Variants in CHRFAM7A observed in about 807,000 individuals in gnomAD.
The protein encoded by CHRFAM7A is CHRNA7 (exons 5-10) and FAM7A (exons A-E) fusion, also known as CHRNA7-FAM7A fusion protein.
A neutral mutation model predicts 29.2 loss-of-function variants in CHRFAM7A; 3 were observed. The ratio of observed to expected loss-of-function variants is 0.10; its 90% CI spans 0.05 to 0.27. The LOEUF (loss-of-function observed/expected upper bound fraction) is 0.27, where lower values mean the gene tolerates loss of function less well. Ranked by LOEUF, CHRFAM7A falls within the 10% of genes least tolerant of loss-of-function variation. The pLI, the probability that CHRFAM7A is intolerant of heterozygous loss-of-function variation, is 1.00. For missense variants in CHRFAM7A, 22 were observed against 328.0 expected (o/e 0.07, Z 7.21); for synonymous variants, 7 against 135.4 (o/e 0.05, Z 6.58).
intron 5 of CHRFAM7A, among the ~76,000 whole-genome samples, chr15:30,374,567 ACAGAAAG>A (rs1438464473): frequency 1.4e-5 from 2 of 145,840 alleles, no homozygotes; most frequent in African/African-American, 5.2e-5. Flanking sequence ...ATTTCTAGAG[ACAGAAAG>A]CAGATCAGTG....
At position 30,373,159 on chromosome 15, in the gene CHRFAM7A, GGAAACAGAAGACT is replaced by G. The variant is rs1249576145; in HGVS notation, c.161-27_161-15del. ...TCTTGAATATGCCTGTGTGGGTGAT[GGAAACAGAAGACT>G]GAAACGGAAGCTGACTGAGATGTGC... On this transcript the variant is annotated splice_polypyrimidine_tract_variant and intron_variant, in intron 5 of 9. Coordinates refer to ENST00000299847, the MANE Select transcript of CHRFAM7A (RefSeq NM_139320.2). The G allele has an allele frequency of 4.8e-6, 7 of 1,465,328 alleles. No individual in the cohort carries two copies. The Middle Eastern group carries it at 7.0e-4, about 147-fold the overall frequency. The allele number at this position is 1,465,328 out of a possible 1,614,324, so 90.8% of individuals were successfully genotyped here. A position where few individuals can be genotyped will look rare whatever the true frequency, so the allele number is the denominator to read the frequency against.
In CHRFAM7A at chr15:30,377,809, T is replaced by G. The variant is rs1032556412; in HGVS notation, c.81-700A>C. 3.0e-4 allele frequency among the ~76,000 whole-genome samples: 44 copies of G among 145,994 alleles called. 2 individuals carry two copies. Among genetic ancestry groups the G allele is most frequent in the Non-Finnish European group, 6.5e-4 (43 of 66,584 alleles). On this transcript the variant is annotated intron_variant, in intron 4 of 9. Coordinates refer to ENST00000299847, the MANE Select transcript of CHRFAM7A (RefSeq NM_139320.2). ...GCCGGGATGGTCTCGATCTCCTGACTGTACACATAAAAATAGCTAAAATGG... is the reference window on the plus strand; with the variant it reads ...GCCGGGATGGTCTCGATCTCCTGACGGTACACATAAAAATAGCTAAAATGG...
At chr15:30,367,651 TC>T in intron 8 of CHRFAM7A, 124 bp from the exon 9 acceptor site, 1 of 1,253,334 alleles carries the variant, frequency 8.0e-7, no homozygotes, top group Non-Finnish European at 1.1e-6. Flanking sequence ...TGCCCATGTG[TC>T]CAGGCCTGCA....
At chr15:30,374,558 T>C (rs2058900518) in intron 5 of CHRFAM7A, among the ~76,000 whole-genome samples, 1 of 146,080 alleles carries the variant, frequency 6.8e-6, no homozygotes, top group South Asian at 2.2e-4. Context: ...AGACAGAGAA[T>C]TTCTAGAGAC....
chr15:30,361,524 TCA>T lies in CHRFAM7A; in HGVS notation c.*767_*768del. 1 of 139,188 alleles carries T rather than the reference TCA, an allele frequency of 7.2e-6. No individual in the cohort carries two copies. Among genetic ancestry groups the T allele is most frequent in the African/African-American group, 2.9e-5 (1 of 34,236 alleles). The allele number at this position is 139,188 out of a possible 1,614,324, so 8.6% of individuals were successfully genotyped here. On this transcript the variant is annotated 3_prime_UTR_variant, in exon 10 of 10. Coordinates refer to ENST00000299847, the MANE Select transcript of CHRFAM7A (RefSeq NM_139320.2). ...GAATAGAACAGATTTGCTCAACTCC[TCA>T]GTGTCTGAGAGCAGCACCTAGGAGT...
intron 9 of CHRFAM7A, among the ~76,000 whole-genome samples, chr15:30,365,801 CTTTTTTTTTTTTTTTTTTTTTTTTT>C (rs1165285566): frequency 9.4e-5 from 7 of 74,242 alleles, no homozygotes; most frequent in African/African-American, 3.7e-4. Context: ...ACAAGTGAGT[CTTTTTTTTTTTTTTTTTTTTTTTTT>C]TTTTTTTTTT....
At chr15:30,373,617 T>C (rs2058890287) in intron 5 of CHRFAM7A, among the ~76,000 whole-genome samples, 2 of 117,618 alleles carry the variant, frequency 1.7e-5, no homozygotes, top group Non-Finnish European at 3.7e-5. Context: ...TATCGAGAAA[T>C]ACAATCTAGA....
intron 5 of CHRFAM7A, among the ~76,000 whole-genome samples, 186 bp from the exon 6 acceptor site, chr15:30,373,331 CTT>C (rs1243329290): frequency 1.4e-5 from 2 of 148,014 alleles, no homozygotes; most frequent in Non-Finnish European, 3.0e-5. Context: ...GCTTCACTGT[CTT>C]TTAAAATCCA....
intron 9 of CHRFAM7A, among the ~76,000 whole-genome samples, chr15:30,363,368 T>G (rs1263620852): frequency 1.3e-4 from 19 of 146,652 alleles, no homozygotes; most frequent in African/African-American, 4.4e-4. Context: ...GTGACCACTT[T>G]GCAAAGCTGT....
In CHRFAM7A at chr15:30,373,024, C is replaced by T; in HGVS notation, c.282G>A (p.Glu94=). The part of the protein sequence containing the change: ...GGWSLDLQMQ[E]ADISGYIPNG... ...TGGGGATATAGCCACTGATATCTGC[C>T]TCCTGCATCTGCAGATCCAAGGACC... The change falls in exon 6 of 10, where the codon GAG becomes GAA. Residue 94 remains glutamate (E), a synonymous_variant. Coordinates refer to ENST00000299847, the MANE Select transcript of CHRFAM7A (RefSeq NM_139320.2). The T allele has an allele frequency of 1.9e-6, 3 of 1,601,230 alleles. No homozygotes were observed. Among genetic ancestry groups the T allele is most frequent in the Non-Finnish European group, 1.7e-6 (2 of 1,171,642 alleles).
chr15:30,376,000 GGTT>G (rs1335357172), intron 5 of CHRFAM7A, among the ~76,000 whole-genome samples: 2 of 150,286 alleles, frequency 1.3e-5, no homozygotes, highest in Admixed American at 1.3e-4. Context: ...GTATGTGAGT[GGTT>G]GTGTGAGTGG....
rs535400106 is a variant in CHRFAM7A at position 30,367,219 on chromosome 15, G to A, written c.720+199C>T. ...GAGAATTGCTTGAATCCAGGAGGTG[G>A]AGGTTGCAGTGAGCCAAGATTACAC... On this transcript the variant is annotated intron_variant, in intron 9 of 9. Transcript: ENST00000299847. 1.2e-3 allele frequency among the ~76,000 whole-genome samples: 181 copies of A among 151,222 alleles called. 2 individuals carry two copies. The highest frequency in any genetic ancestry group is 2.1e-3 in the Non-Finnish European group (145 of 67,698).
intron 5 of CHRFAM7A, among the ~76,000 whole-genome samples, chr15:30,375,881 TGAGTCGTGTGGGTGGTA>T (rs2058925134): frequency 2.0e-5 from 1 of 50,124 alleles, no homozygotes; most frequent in Admixed American, 2.2e-4. Context: ...GTGTGTGTGT[TGAGTCGTGTGGGTGGTA>T]TGTGAGTGGT....
intron 4 of CHRFAM7A, among the ~76,000 whole-genome samples, chr15:30,377,699 C>A (rs937168012): frequency 7.0e-6 from 1 of 142,510 alleles, no homozygotes; most frequent in African/African-American, 2.7e-5. Context: ...CTCAGCTTCC[C>A]GAGTAGCTGG....
intron 5 of CHRFAM7A, among the ~76,000 whole-genome samples, chr15:30,374,761 TG>T (rs2140888730): frequency 8.0e-6 from 1 of 125,710 alleles, no homozygotes; most frequent in South Asian, 3.0e-4. Context: ...TCAATAAAGC[TG>T]TTAAAAAATA....
At chr15:30,365,801 CTTTTTTTTTTTTTTTTTTT>C (rs1165285566) in intron 9 of CHRFAM7A, among the ~76,000 whole-genome samples, 1 of 74,260 alleles carries the variant, frequency 1.3e-5, no homozygotes, top group Non-Finnish European at 2.4e-5. Context: ...ACAAGTGAGT[CTTTTTTTTTTTTTTTTTTT>C]TTTTTTTTTT....
intron 9 of CHRFAM7A, 78 bp downstream of exon 9, chr15:30,367,340 G>A: frequency 1.3e-6 from 2 of 1,520,892 alleles, no homozygotes. Flanking sequence ...CGTTTTTTGT[G>A]TGATTTTAAA....
chr15:30,369,223 T>C (rs1242883380), intron 8 of CHRFAM7A, among the ~76,000 whole-genome samples: 1 of 148,242 alleles, frequency 6.7e-6, no homozygotes, highest in East Asian at 2.0e-4. Context: ...AGAGCCCTGC[T>C]GCCACCCTTA....
At chr15:30,371,562 C>T (rs1338369817) in intron 7 of CHRFAM7A, among the ~76,000 whole-genome samples, 3 of 149,972 alleles carry the variant, frequency 2.0e-5, no homozygotes, top group Non-Finnish European at 4.4e-5. Context: ...CTTACGTTTG[C>T]TACTCAGCTA....
Sources: gnomAD v4.1 joint callset for allele counts (sites outside exome capture counted in the v4.1 genomes callset) on GRCh38, gnomAD v4.1.1 for gene constraint, MANE v1.5 for transcripts, NCBI Gene and HGNC (gene_info 2026-07-23, HGNC 2026-07-21) for gene names.